The following CHST15 variants were observed in gnomAD, a reference collection of about 807,000 sequenced individuals.
CHST15 encodes the protein carbohydrate sulfotransferase 15, also known as B cell RAG associated protein (GALNAC4S-6ST).
CHST15 carries 30 observed loss-of-function variants against 53.6 expected under a neutral mutation model. That is an observed-to-expected ratio of 0.56 (90% CI 0.42 to 0.76). The LOEUF (loss-of-function observed/expected upper bound fraction) is 0.76. Ranked by LOEUF, CHST15 falls within the 30% of genes least tolerant of loss-of-function variation. CHST15 has a pLI of 0.00. For missense variants in CHST15, 627 were observed against 740.5 expected (o/e 0.85, Z 1.78); for synonymous variants, 296 against 289.8 (o/e 1.02, Z -0.22).
chr10:124,041,099 AC>A (rs1423704817), intron 4 of CHST15, among the ~76,000 whole-genome samples: 1 of 152,208 alleles, frequency 6.6e-6, no homozygotes, highest in East Asian at 1.9e-4. Flanking sequence ...ACTGGAGGTG[AC>A]TCCCAGTGAC....
intron 1 of CHST15, among the ~76,000 whole-genome samples, chr10:124,075,245 A>C (rs1949036607): frequency 6.6e-6 from 1 of 152,130 alleles, no homozygotes; most frequent in South Asian, 2.1e-4. Context: ...CACGGTGGGG[A>C]GGGTACAATC....
intron 5 of CHST15, among the ~76,000 whole-genome samples, chr10:124,033,585 G>GA (rs1283204581): frequency 6.6e-6 from 1 of 152,208 alleles, no homozygotes; most frequent in African/African-American, 2.4e-5. Context: ...GACTAGGTTA[G>GA]AAAAAATCGT....
chr10:124,021,865 A>T (rs978051973), intron 5 of CHST15, among the ~76,000 whole-genome samples: 13 of 152,210 alleles, frequency 8.5e-5, no homozygotes, highest in African/African-American at 3.1e-4. Flanking sequence ...TTCCGCATGA[A>T]ATTCCCACTA....
Position 124,045,979 on chromosome 10 carries a change from C to A in CHST15, c.234G>T (p.Lys78Asn). The change falls in exon 2 of 8, where the codon AAG becomes AAT. Residue 78 changes from lysine to asparagine, a missense_variant. Physicochemically the swap from Lys to Asn is moderately conservative, Grantham distance 94. Around this residue, in one of 3 missense-constraint regions of CHST15, gnomAD observed 187 missense variants for 251.8 expected, o/e 0.74. Coordinates refer to ENST00000435907, the MANE Select transcript of CHST15 (RefSeq NM_001270764.2). ...TCAGTCCAAAAACGAGGCTACATCG[C>A]TTCCCCTTTTTGAAGCGCAAAAACC... ...WGGFLRFKKG[K>N]RCSLVFGLII... 6.2e-7 allele frequency: 1 copy of A among 1,614,156 alleles called. No individual in the cohort carries two copies. Among genetic ancestry groups the A allele is most frequent in the Non-Finnish European group, 8.5e-7 (1 of 1,180,036 alleles).
intron 1 of CHST15, among the ~76,000 whole-genome samples, chr10:124,052,743 G>A (rs1489897613): frequency 6.6e-6 from 1 of 152,224 alleles, no homozygotes; most frequent in African/African-American, 2.4e-5. Context: ...GCTTAAAAGA[G>A]TGTCTAGCCC....
rs546473915 is a variant in CHST15 at position 124,091,536 on chromosome 10, T to C, written c.-513+1933A>G. ...CGAGGCATCCCACAACACTCAGGAATTGCAGCTGATAAAGAGGGGCTGGGG... is the reference window on the plus strand; with the variant it reads ...CGAGGCATCCCACAACACTCAGGAACTGCAGCTGATAAAGAGGGGCTGGGG... On this transcript the variant is annotated intron_variant, in intron 1 of 7. Coordinates refer to ENST00000435907, the MANE Select transcript of CHST15 (RefSeq NM_001270764.2). Among the ~76,000 whole-genome samples, 280 of 152,224 alleles carry C rather than the reference T, an allele frequency of 1.8e-3. 1 individual carries two copies. Among genetic ancestry groups the C allele is most frequent in the African/African-American group, 6.4e-3 (266 of 41,556 alleles).
intron 1 of CHST15, among the ~76,000 whole-genome samples, chr10:124,057,270 A>G (rs540030045): frequency 6.6e-6 from 1 of 152,316 alleles, no homozygotes; most frequent in Admixed American, 6.5e-5. Flanking sequence ...TTCATCTGTT[A>G]TGTCTTTCAG....
At chr10:124,073,106 A>G (rs1019180763) in intron 1 of CHST15, among the ~76,000 whole-genome samples, 1 of 152,206 alleles carries the variant, frequency 6.6e-6, no homozygotes, top group African/African-American at 2.4e-5. Context: ...TTCCAATCCT[A>G]GCTACGTGCC....
At chr10:124,029,401 A>G (rs1442003061) in intron 5 of CHST15, among the ~76,000 whole-genome samples, 2 of 152,160 alleles carry the variant, frequency 1.3e-5, no homozygotes, top group East Asian at 3.8e-4. Context: ...AAAACGCCCA[A>G]ATGAATGGCA....
chr10:124,088,356 G>A (rs932106845), intron 1 of CHST15, among the ~76,000 whole-genome samples: 5 of 152,218 alleles, frequency 3.3e-5, no homozygotes, highest in African/African-American at 1.2e-4. Flanking sequence ...TGTGCTGAGC[G>A]CTGGCTCTCT....
Position 124,019,055 on chromosome 10 carries a change from T to C in CHST15, c.1347+2201A>G, listed in dbSNP as rs926001099. Among the ~76,000 whole-genome samples, 1 of 152,170 alleles carries C rather than the reference T, an allele frequency of 6.6e-6. No homozygotes were observed. Among genetic ancestry groups the C allele is most frequent in the Non-Finnish European group, 1.5e-5 (1 of 68,026 alleles). ...CTGCTATTACTGTTTATGCCAGGAC[T>C]GAAGGTCCTCCATGCGAGGCCTGCA... On this transcript the variant is annotated intron_variant, in intron 6 of 7. Transcript: ENST00000435907. This position sits in a 1 kb window ranked among gnomAD's most constrained non-coding sequence, Gnocchi z 4.6.
intron 1 of CHST15, among the ~76,000 whole-genome samples, chr10:124,087,075 G>A (rs1404807698): frequency 6.6e-6 from 1 of 152,224 alleles, no homozygotes; most frequent in Non-Finnish European, 1.5e-5. Context: ...TGAGCTGCCA[G>A]GGGTTACAAA....
At chr10:124,076,368 G>A (rs909262037) in intron 1 of CHST15, among the ~76,000 whole-genome samples, 2 of 152,184 alleles carry the variant, frequency 1.3e-5, no homozygotes, top group African/African-American at 2.4e-5. Context: ...CCCGATGCGT[G>A]GAGACTGAGA....
chr10:124,054,783 A>G (rs1179710393), intron 1 of CHST15, among the ~76,000 whole-genome samples: 2 of 152,226 alleles, frequency 1.3e-5, no homozygotes, highest in Admixed American at 6.5e-5. Context: ...GAGGTCACAT[A>G]CACAAAATGC....
In CHST15 at chr10:124,024,175, T is replaced by G. The variant is rs925900973; in HGVS notation, c.1191-2763A>C. 2.6e-5 allele frequency among the ~76,000 whole-genome samples: 4 copies of G among 152,322 alleles called. No individual in the cohort carries two copies. Among genetic ancestry groups the G allele is most frequent in the African/African-American group, 9.6e-5 (4 of 41,578 alleles). ...CCATACTTCCAAACGCTCCCAGACC[T>G]TCAGCCACATACTACCCTGCAAAAA... is the stretch of plus-strand genomic sequence containing the variant. On this transcript the variant is annotated intron_variant, in intron 5 of 7. Transcript: ENST00000435907. The surrounding 1 kb of genome is among the most constrained non-coding windows in gnomAD (Gnocchi z 4.0).
chr10:124,048,103 A>G (rs2134022869), intron 1 of CHST15, among the ~76,000 whole-genome samples: 1 of 152,370 alleles, frequency 6.6e-6, no homozygotes, highest in Middle Eastern at 3.4e-3. Context: ...ATGGTGGCCA[A>G]GAAACAGCCA....
intron 1 of CHST15, among the ~76,000 whole-genome samples, chr10:124,089,884 A>T (rs1393416748): frequency 6.6e-6 from 1 of 152,214 alleles, no homozygotes; most frequent in Non-Finnish European, 1.5e-5. Flanking sequence ...GCTCAGCTGT[A>T]GGATCTATTT....
Position 124,021,250 on chromosome 10 carries a change from A to T in CHST15, c.1347+6T>A. 6.6e-7 allele frequency: 1 copy of T among 1,523,346 alleles called. No individual in the cohort carries two copies. Among genetic ancestry groups the T allele is most frequent in the Non-Finnish European group, 9.0e-7 (1 of 1,117,248 alleles). The allele number at this position is 1,523,346 out of a possible 1,614,324, so 94.4% of individuals were successfully genotyped here. ...CTCGGGGGGTACGGGGGGGGGGGGT[A>T]CACACAGGCATGGCGTTGTTGAGGG... On this transcript the variant is annotated splice_donor_region_variant and intron_variant, in intron 6 of 7. Transcript: ENST00000435907.
rs1400352764 is a variant in CHST15, at chr10:124,009,889, G to A, written c.*260C>T. On this transcript the variant is annotated 3_prime_UTR_variant, in exon 8 of 8. Coordinates refer to ENST00000435907, the MANE Select transcript of CHST15 (RefSeq NM_001270764.2). ...AGCTGGCTGCATCCCCAAGCTCCAG[G>A]ACGCTCAGAGCAGAGCTGAATTCTT... is the stretch of plus-strand genomic sequence containing the variant. The A allele has an allele frequency of 1.6e-6, 2 of 1,280,092 alleles. No homozygotes were observed. The highest frequency in any genetic ancestry group is 3.9e-5 in the East Asian group (1 of 25,326). The allele number at this position is 1,280,092 out of a possible 1,614,324, so 79.3% of individuals were successfully genotyped here.
Sources: gnomAD v4.1 joint callset for allele counts (sites outside exome capture counted in the v4.1 genomes callset) on GRCh38, gnomAD v4.1.1 for gene constraint, gnomAD v4.1.1 regional missense constraint, Gnocchi (gnomAD v3.1) non-coding constraint, MANE v1.5 for transcripts, NCBI Gene and HGNC (gene_info 2026-07-23, HGNC 2026-07-21) for gene names.